Variants in JADE3 observed in about 807,000 individuals in gnomAD.
JADE3 encodes jade family PHD finger 3.
JADE3 carries 2 observed loss-of-function variants against 50.1 expected under a neutral mutation model. That is an observed-to-expected ratio of 0.04 (90% CI 0.02 to 0.13). JADE3 has a LOEUF of 0.13. JADE3 is among the 10% of genes least tolerant of loss of function. JADE3 has a pLI of 1.00. For missense variants in JADE3, 475 were observed against 634.4 expected, an observed-to-expected ratio of 0.75 and a Z score of 2.70; for synonymous variants, 218 against 232.9, an observed-to-expected ratio of 0.94 and a Z score of 0.58.
intron 4 of JADE3, among the ~76,000 whole-genome samples, chrX:47,008,363 T>TA (rs1353366263): frequency 3.6e-5 from 4 of 111,804 alleles, no homozygotes; most frequent in Non-Finnish European, 7.5e-5. Context: ...AATCCACACT[T>TA]AGAAGGGAAT....
At chrX:46,919,051 T>G (rs1211466933) in intron 1 of JADE3, among the ~76,000 whole-genome samples, 1 of 112,577 alleles carries the variant, frequency 8.9e-6, no homozygotes, top group East Asian at 2.8e-4. Flanking sequence ...AAACACCCAT[T>G]TCTGAATGTA....
At chrX:47,043,514 A>G (rs944385332) in intron 8 of JADE3, among the ~76,000 whole-genome samples, 13 of 112,528 alleles carry the variant, frequency 1.2e-4, no homozygotes, top group African/African-American at 3.9e-4. Context: ...AAATTTAACA[A>G]AGACATTGAA....
intron 7 of JADE3, among the ~76,000 whole-genome samples, chrX:47,038,264 C>T (rs1354158222): frequency 9.0e-6 from 1 of 111,561 alleles, no homozygotes; most frequent in Non-Finnish European, 1.9e-5. Flanking sequence ...TATGGGAGTG[C>T]AGATACCTCT....
At chrX:47,038,875 A>G (rs1310953244) in intron 7 of JADE3, 74 bp from the exon 8 acceptor site, 3 of 536,078 alleles carry the variant, frequency 5.6e-6, no homozygotes, top group African/African-American at 4.6e-5. Context: ...TTTATGTAAC[A>G]TCGTTTATGG....
chrX:47,051,787 ACT>A (rs1188181308), intron 8 of JADE3, among the ~76,000 whole-genome samples: 2 of 95,413 alleles, frequency 2.1e-5, no homozygotes, highest in Non-Finnish European at 4.1e-5. Context: ...ACAGAGTGAG[ACT>A]CTGTCTCCCA....
At chrX:47,027,813 C>A in intron 5 of JADE3, 79 bp from the exon 6 acceptor site, 1 of 815,088 alleles carries the variant, frequency 1.2e-6, no homozygotes, top group Non-Finnish European at 1.8e-6. Context: ...CCTACCCACT[C>A]CTGCACTGGG....
intron 7 of JADE3, among the ~76,000 whole-genome samples, chrX:47,037,679 C>A (rs115513938): frequency 0.015 from 1,699 of 111,906 alleles, 32 homozygotes; most frequent in African/African-American, 0.052. Flanking sequence ...TATATATTTA[C>A]GGGATGCATG....
intron 1 of JADE3, among the ~76,000 whole-genome samples, chrX:46,942,402 A>G (rs1926780606): frequency 8.9e-6 from 1 of 112,045 alleles, no homozygotes; most frequent in Non-Finnish European, 1.9e-5. Context: ...GTGAAAGGTA[A>G]GGGTTCAGTT....
intron 1 of JADE3, among the ~76,000 whole-genome samples, chrX:46,936,017 ATTTT>A (rs145853620): frequency 5.2e-5 from 4 of 76,582 alleles, no homozygotes; most frequent in Non-Finnish European, 4.9e-5. Context: ...GAATACATTG[ATTTT>A]TTTTTTTTTT....
At chrX:46,919,375 T>C (rs781932028) in intron 1 of JADE3, among the ~76,000 whole-genome samples, 1 of 112,431 alleles carries the variant, frequency 8.9e-6, no homozygotes, top group Admixed American at 9.4e-5. Flanking sequence ...GAAAGAAACA[T>C]TTGCAGTCTT....
intron 1 of JADE3, among the ~76,000 whole-genome samples, chrX:46,964,360 A>G (rs1927325328): frequency 8.9e-6 from 1 of 111,778 alleles, no homozygotes; most frequent in Non-Finnish European, 1.9e-5. Context: ...ATAAAAGGCA[A>G]TCTGCCTTGT....
chrX:47,058,501 T>C lies in JADE3; in HGVS notation c.1896T>C (p.His632=), dbSNP rs1569539039. ...AWRTPSSECY[H]GQSLGKPLVL... Reference sequence around the variant, plus strand: ...GAACCCCGTCCTCGGAGTGCTATCATGGGCAGTCACTGGGAAAGCCTCTGG... The same window carrying C: ...GAACCCCGTCCTCGGAGTGCTATCACGGGCAGTCACTGGGAAAGCCTCTGG... Residue 632 remains histidine (H), a synonymous_variant, in exon 11 of 11, where the codon CAT becomes CAC. Coordinates refer to ENST00000614628, the MANE Select transcript of JADE3 (RefSeq NM_014735.5). 1 of 1,209,599 alleles carries C rather than the reference T, an allele frequency of 8.3e-7. No individual in the cohort carries two copies. The highest frequency in any genetic ancestry group is 1.7e-5 in the African/African-American group (1 of 57,159).
intron 3 of JADE3, among the ~76,000 whole-genome samples, chrX:46,988,344 G>T (rs1490768931): frequency 1.8e-5 from 2 of 110,352 alleles, no homozygotes; most frequent in Non-Finnish European, 3.8e-5. Flanking sequence ...TGTTTGTTTT[G>T]CAGGTGATGA....
intron 4 of JADE3, among the ~76,000 whole-genome samples, chrX:47,017,560 G>A (rs1229592727): frequency 1.3e-4 from 15 of 111,271 alleles, no homozygotes; most frequent in South Asian, 1.1e-3. Flanking sequence ...TTAAAATTAC[G>A]GATGAACTAT....
intron 1 of JADE3, among the ~76,000 whole-genome samples, chrX:46,946,969 T>G (rs1256937765): frequency 8.9e-6 from 1 of 112,320 alleles, no homozygotes; most frequent in Non-Finnish European, 1.9e-5. Context: ...ATTCTCATGT[T>G]TGATGCCATC....
At chrX:46,939,131 C>T (rs1033478158) in intron 1 of JADE3, among the ~76,000 whole-genome samples, 10 of 112,391 alleles carry the variant, frequency 8.9e-5, no homozygotes, top group African/African-American at 3.2e-4. Flanking sequence ...CCAGCCTGGC[C>T]TCCATGGTTT....
At chrX:46,991,043 T>TCCCCCC (rs1200480004) in intron 3 of JADE3, among the ~76,000 whole-genome samples, 3 of 5,302 alleles carry the variant, frequency 5.7e-4, no homozygotes, top group Non-Finnish European at 4.0e-4. Context: ...TTTCCTTCCT[T>TCCCCCC]CCCTCCCTCC....
chrX:46,923,375 TTCTC>T (rs1235628426), intron 1 of JADE3, among the ~76,000 whole-genome samples: 67 of 57,934 alleles, frequency 1.2e-3, no homozygotes, highest in African/African-American at 2.9e-3. Context: ...GAGATTTCTT[TTCTC>T]TCTCTCTCTC....
Position 47,058,412 on chromosome X carries a change from A to C in JADE3, c.1807A>C (p.Asn603His), listed in dbSNP as rs781835027. 1.7e-6 allele frequency: 2 copies of C among 1,211,430 alleles called. No individual in the cohort carries two copies. The highest frequency in any genetic ancestry group is 1.1e-6 in the Non-Finnish European group (1 of 895,315). The change falls in exon 11 of 11, where the codon AAC (asparagine) becomes CAC (histidine). Residue 603 changes from asparagine to histidine, a missense_variant. Physicochemically the swap from Asn to His is moderately conservative, Grantham distance 68. This residue lies in a region of JADE3 where 243 missense variants were observed against 238.2 expected (regional missense o/e 1.02). Coordinates refer to ENST00000614628, the MANE Select transcript of JADE3 (RefSeq NM_014735.5). Reference protein sequence around the residue: ...YPRYPLESKNNRLLASLSHSR... With the variant: ...YPRYPLESKNHRLLASLSHSR... ...GAGATACCCACTAGAGAGCAAGAAT[A>C]ACCGTTTGCTGGCCAGTCTCAGCCA... is the stretch of plus-strand genomic sequence containing the variant.
Sources: allele counts gnomAD v4.1 joint callset (sites outside exome capture counted in the v4.1 genomes callset), GRCh38; gene constraint gnomAD v4.1.1; regional missense constraint gnomAD v4.1.1; transcripts MANE v1.5; gene names NCBI Gene and HGNC (gene_info 2026-07-23, HGNC 2026-07-21).